Variants in ZNF100 observed in about 807,000 individuals in gnomAD.
ZNF100 encodes zinc finger protein 100 (Y1).
Under a neutral mutation model 15.8 loss-of-function variants are expected in ZNF100, and 12 were observed. The ratio of observed to expected loss-of-function variants is 0.76; its 90% CI spans 0.49 to 1.23. The LOEUF (loss-of-function observed/expected upper bound fraction) is 1.23. Among genes scored for constraint, ZNF100 ranks in the 50% most tolerant of loss-of-function variants. The pLI is 0.00. For missense variants in ZNF100, 670 were observed against 635.6 expected (o/e 1.05, Z -0.58); for synonymous variants, 226 against 214.8 (o/e 1.05, Z -0.45).
rs375388502 is a variant in ZNF100 at position 21,727,239 on chromosome 19, G to A, written c.1073C>T (p.Ser358Leu). ...AGTTATCTTATGTGTAGTAAGGGTTGAGGACTGGTTAAAGGCTTTGCCACA... is the reference window on the plus strand; with the variant it reads ...AGTTATCTTATGTGTAGTAAGGGTTAAGGACTGGTTAAAGGCTTTGCCACA... ...EECGKAFNQS[S>L]TLTTHKITHA... The change falls in exon 5 of 5, where the codon TCA becomes TTA. Residue 358 changes from serine to leucine, a missense_variant. Coordinates refer to ENST00000358296, the MANE Select transcript of ZNF100 (RefSeq NM_173531.4). 2 of 1,613,698 alleles carry A rather than the reference G, an allele frequency of 1.2e-6. No individual in the cohort carries two copies. The highest frequency in any genetic ancestry group is 1.3e-5 in the African/African-American group (1 of 75,024).
chr19:21,727,841 C>T lies in ZNF100; in HGVS notation c.471G>A (p.Val157=). 2 of 1,612,760 alleles carry T rather than the reference C, an allele frequency of 1.2e-6. No homozygotes were observed. Among genetic ancestry groups the T allele is most frequent in the Non-Finnish European group, 1.7e-6 (2 of 1,179,472 alleles). ...KGCKSVDECK[V]HKEHDNKLNQ... Reference sequence around the variant, plus strand: ...TTAATTTGTTATCATGTTCTTTGTGCACTTTACACTCATCCACACTTTTAC... The same window carrying T: ...TTAATTTGTTATCATGTTCTTTGTGTACTTTACACTCATCCACACTTTTAC... The change falls in exon 5 of 5, where the codon GTG becomes GTA. Residue 157 remains valine, a synonymous_variant. Transcript: ENST00000358296.
chr19:21,742,164 G>C (rs903802981), intron 4 of ZNF100, among the ~76,000 whole-genome samples: 2 of 151,864 alleles, frequency 1.3e-5, no homozygotes, highest in African/African-American at 4.8e-5. Flanking sequence ...AGGCGTGGTG[G>C]CGGGCACCTA....
At position 21,730,849 on chromosome 19, in the gene ZNF100, A is replaced by G. The variant is rs117834773; in HGVS notation, c.323-2860T>C. On this transcript the variant is annotated intron_variant, in intron 4 of 4. Transcript: ENST00000358296. ...ATAAAACAATAATAGAAAAACAATT[A>G]AACATTTACAAATATATGGAAATTA... 8.8e-3 allele frequency among the ~76,000 whole-genome samples: 1,337 copies of G among 151,982 alleles called. 49 individuals carry two copies. The highest frequency in any genetic ancestry group is 0.07 in the East Asian group (362 of 5,174).
At chr19:21,743,929 G>A in intron 4 of ZNF100, 88 bp downstream of exon 4, 2 of 1,278,442 alleles carry the variant, frequency 1.6e-6, no homozygotes, top group Non-Finnish European at 2.1e-6. Context: ...TTGGAACATA[G>A]CTTCCCAAAC....
In ZNF100 at chr19:21,724,302, A is replaced by C. The variant is rs576162911; in HGVS notation, c.*2381T>G. 1 of 152,302 alleles carries C rather than the reference A, an allele frequency of 6.6e-6. No homozygotes were observed. Among genetic ancestry groups the C allele is most frequent in the Admixed American group, 6.5e-5 (1 of 15,292 alleles). The allele number at this position is 152,302 out of a possible 1,614,324, so 9.4% of individuals were successfully genotyped here. A position where few individuals can be genotyped will look rare whatever the true frequency, so the allele number is the denominator to read the frequency against. ...CTTTTTTCTTCGGAAAACAGGTACA[A>C]ATTCATACACACAAACTCACTCTAT... On this transcript the variant is annotated 3_prime_UTR_variant, in exon 5 of 5. Coordinates refer to ENST00000358296, the MANE Select transcript of ZNF100 (RefSeq NM_173531.4).
chr19:21,751,676 CT>C, intron 2 of ZNF100: 1 of 1,276,130 alleles, frequency 7.8e-7, no homozygotes, highest in Non-Finnish European at 1.1e-6. Context: ...TTTTTCGGAG[CT>C]TCTTCAGTTT....
chr19:21,731,636 T>A (rs1385825847), intron 4 of ZNF100, among the ~76,000 whole-genome samples: 2 of 152,254 alleles, frequency 1.3e-5, no homozygotes, highest in Non-Finnish European at 2.9e-5. Context: ...AATTATCCAA[T>A]AGATATAATT....
In ZNF100 at chr19:21,745,056, C is replaced by A. The variant is rs761933316; in HGVS notation, c.108G>T (p.Thr36=). ...VQSYFEKGPL[T]FRDVAIEFSL... ...AGAATTCTATGGCCACATCCCTAAA[C>A]GTCAATGGCCCCTGAAAAGCACAAG... The change falls in exon 3 of 5, where the codon ACG becomes ACT. Residue 36 remains threonine (T), a synonymous_variant. Coordinates refer to ENST00000358296, the MANE Select transcript of ZNF100 (RefSeq NM_173531.4). The A allele has an allele frequency of 3.1e-6, 5 of 1,612,024 alleles. No homozygotes were observed. Among genetic ancestry groups the A allele is most frequent in the Non-Finnish European group, 4.2e-6 (5 of 1,179,588 alleles).
intron 2 of ZNF100, among the ~76,000 whole-genome samples, chr19:21,757,427 A>AC (rs1429320318): frequency 1.3e-5 from 2 of 152,290 alleles, no homozygotes; most frequent in East Asian, 3.9e-4. Context: ...ACAGAGTGAG[A>AC]CCCTGTCTCA....
rs2035865243 is a variant in ZNF100, at chr19:21,728,965, G to A, written c.323-976C>T. ...TTGTGGAGGTAATAAATATAAAAAA[G>A]AATAGCTGAAAAATATTGAAAGAAA... On this transcript the variant is annotated intron_variant, in intron 4 of 4. Transcript: ENST00000358296. Among the ~76,000 whole-genome samples, 3 of 151,358 alleles carry A rather than the reference G, an allele frequency of 2.0e-5. No homozygotes were observed. The South Asian group carries it at 6.3e-4, about 32-fold the overall frequency.
rs1017228279 is a variant in ZNF100, at chr19:21,722,788, T to C, written c.*3895A>G. 8 of 146,842 alleles carry C rather than the reference T, an allele frequency of 5.4e-5. No homozygotes were observed. Among genetic ancestry groups the C allele is most frequent in the Non-Finnish European group, 1.2e-4 (8 of 66,872 alleles). 9.1% of individuals were successfully genotyped at this position (146,842 alleles called of 1,614,324 possible). ...TTATGTTATACTTTTATTATATAAG[T>C]ATATATTTTAATAAAAGTATGTTAC... is the stretch of plus-strand genomic sequence containing the variant. On this transcript the variant is annotated 3_prime_UTR_variant, in exon 5 of 5. Coordinates refer to ENST00000358296, the MANE Select transcript of ZNF100 (RefSeq NM_173531.4).
At position 21,726,426 on chromosome 19, in the gene ZNF100, T is replaced by C; in HGVS notation, c.*257A>G. 2.3e-6 allele frequency: 1 copy of C among 432,204 alleles called. No homozygotes were observed. The highest frequency in any genetic ancestry group is 4.1e-6 in the Non-Finnish European group (1 of 245,412). The allele number at this position is 432,204 out of a possible 1,614,324, so 26.8% of individuals were successfully genotyped here. A position where few individuals can be genotyped will look rare whatever the true frequency, so the allele number is the denominator to read the frequency against. On this transcript the variant is annotated 3_prime_UTR_variant, in exon 5 of 5. Coordinates refer to ENST00000358296, the MANE Select transcript of ZNF100 (RefSeq NM_173531.4). ...CAAGTGTGACAACCATTTAAAACTTTATCACATTCTTCACATTTCTAGGAT... is the reference window on the plus strand; with the variant it reads ...CAAGTGTGACAACCATTTAAAACTTCATCACATTCTTCACATTTCTAGGAT...
At chr19:21,751,782 G>A in intron 2 of ZNF100, 1 of 1,250,754 alleles carries the variant, frequency 8.0e-7, no homozygotes, top group Non-Finnish European at 1.1e-6. Context: ...GCTCCTCTTA[G>A]CAAAGAAAGA....
chr19:21,761,803 T>C (rs1249224684), intron 2 of ZNF100, among the ~76,000 whole-genome samples: 1 of 152,202 alleles, frequency 6.6e-6, no homozygotes, highest in African/African-American at 2.4e-5. Flanking sequence ...CAACAGGTAA[T>C]ATCCACCACC....
At chr19:21,748,090 G>A (rs2036242753) in intron 2 of ZNF100, among the ~76,000 whole-genome samples, 1 of 152,082 alleles carries the variant, frequency 6.6e-6, no homozygotes, top group African/African-American at 2.4e-5. Flanking sequence ...AGCAACTACT[G>A]GATCTGCAAG....
At chr19:21,745,953 C>T (rs1366242609) in intron 2 of ZNF100, among the ~76,000 whole-genome samples, 1 of 152,092 alleles carries the variant, frequency 6.6e-6, no homozygotes, top group Non-Finnish European at 1.5e-5. Context: ...AAACAAAGAG[C>T]CTTCATTTTC....
intron 1 of ZNF100, 85 bp downstream of exon 1, chr19:21,767,342 G>A: frequency 2.5e-6 from 4 of 1,605,858 alleles, no homozygotes; most frequent in Admixed American, 3.4e-5. Flanking sequence ...ACTGCGGAGA[G>A]GCCTGAGTCC....
chr19:21,748,573 G>C (rs1256025506), intron 2 of ZNF100, among the ~76,000 whole-genome samples: 1 of 152,182 alleles, frequency 6.6e-6, no homozygotes, highest in African/African-American at 2.4e-5. Flanking sequence ...AATTTCATTA[G>C]AAGATAAGTA....
intron 4 of ZNF100, among the ~76,000 whole-genome samples, chr19:21,735,860 C>T (rs2036000268): frequency 6.6e-6 from 1 of 152,158 alleles, no homozygotes; most frequent in African/African-American, 2.4e-5. Flanking sequence ...ATGATCTTGG[C>T]TCACTGCAAG....
Sources: gnomAD v4.1 joint callset for allele counts (sites outside exome capture counted in the v4.1 genomes callset) on GRCh38, gnomAD v4.1.1 for gene constraint, MANE v1.5 for transcripts, NCBI Gene and HGNC (gene_info 2026-07-23, HGNC 2026-07-21) for gene names.